The following NUDT3 variants were observed in gnomAD, a reference collection of about 807,000 sequenced individuals.
The protein encoded by NUDT3 is nudix hydrolase 3, also known as diphosphoinositol polyphosphate phosphohydrolase 1.
Under a neutral mutation model 23.6 loss-of-function variants are expected in NUDT3, and 9 were observed. The ratio of observed to expected loss-of-function variants is 0.38; its 90% CI spans 0.23 to 0.66. The LOEUF is 0.66. Among genes scored for constraint, NUDT3 ranks in the 30% least tolerant of loss-of-function variants. NUDT3 has a pLI of 0.52. For missense variants in NUDT3, 172 were observed against 218.5 expected (o/e 0.79, Z 1.34); for synonymous variants, 86 against 82.6 (o/e 1.04, Z -0.22).
intron 1 of NUDT3, among the ~76,000 whole-genome samples, chr6:34,378,092 A>C (rs1764955204): frequency 6.6e-6 from 1 of 151,406 alleles, no homozygotes; most frequent in Non-Finnish European, 1.5e-5. Context: ...AGACTGCTTG[A>C]TCCCAGGAGT....
chr6:34,360,437 G>C (rs568444358), intron 1 of NUDT3, among the ~76,000 whole-genome samples: 80 of 152,164 alleles, frequency 5.3e-4, no homozygotes, highest in African/African-American at 1.9e-3. Context: ...AGCCAGGCAT[G>C]GTGGTGGGCA....
At chr6:34,366,426 G>C (rs1031926602) in intron 1 of NUDT3, among the ~76,000 whole-genome samples, 2 of 134,632 alleles carry the variant, frequency 1.5e-5, no homozygotes, top group African/African-American at 5.6e-5. Context: ...AACAGCAAGA[G>C]AGAGAAAGAG....
At chr6:34,343,087 C>T (rs1233790287) in intron 1 of NUDT3, among the ~76,000 whole-genome samples, 1 of 152,160 alleles carries the variant, frequency 6.6e-6, no homozygotes, top group East Asian at 1.9e-4. Context: ...TGAATCCATA[C>T]TCAGTCACTA....
rs1391740635 is a variant in NUDT3, at chr6:34,282,970, CTGAGT to C, written c.*5778_*5782del. 2 of 152,168 alleles carry C rather than the reference CTGAGT, an allele frequency of 1.3e-5. No homozygotes were observed. The highest frequency in any genetic ancestry group is 4.8e-5 in the African/African-American group (2 of 41,442). The allele number at this position is 152,168 out of a possible 1,614,324, so 9.4% of individuals were successfully genotyped here. On this transcript the variant is annotated 3_prime_UTR_variant, in exon 5 of 5. Transcript: ENST00000607016. ...GGCTAAAAGCACTTTCTTCAGCATTCTGAGTTAACACGGGTTCCCTATAAGCTCCC... is the reference window on the plus strand; with the variant it reads ...GGCTAAAAGCACTTTCTTCAGCATTCTAACACGGGTTCCCTATAAGCTCCC...
intron 2 of NUDT3, among the ~76,000 whole-genome samples, chr6:34,311,529 A>G (rs549218016): frequency 6.6e-6 from 1 of 152,338 alleles, no homozygotes; most frequent in East Asian, 1.9e-4. Context: ...GATTCAACAC[A>G]ATCCCAATTA....
rs1245533682 is a variant in NUDT3, at chr6:34,392,317, C to G, written c.46G>C (p.Gly16Arg). ...SNQTRTYDGD[G>R]YKKRAACLCF... is the part of the protein sequence containing the mutation. ...AGGCATGCGGCCCGCTTCTTGTAGC[C>G]GTCGCCGTCGTAGGTGCGGGTCTGG... Residue 16 changes from glycine (G) to arginine (R), a missense_variant, in exon 1 of 5, where the codon GGC becomes CGC. Gly to Arg is a moderately radical substitution (Grantham distance 125). Around this residue, in one of 3 missense-constraint regions of NUDT3, gnomAD observed 50 missense variants for 46.2 expected, o/e 1.08. Coordinates refer to ENST00000607016, the MANE Select transcript of NUDT3 (RefSeq NM_006703.4). 6.2e-7 allele frequency: 1 copy of G among 1,606,222 alleles called. No individual in the cohort carries two copies. The highest frequency in any genetic ancestry group is 8.5e-7 in the Non-Finnish European group (1 of 1,177,572).
At chr6:34,323,888 G>A (rs1266477451) in intron 2 of NUDT3, among the ~76,000 whole-genome samples, 1 of 152,088 alleles carries the variant, frequency 6.6e-6, no homozygotes, top group East Asian at 1.9e-4. Context: ...ATGGAATTAG[G>A]GTAATATATA....
rs1219017851 is a variant in NUDT3, at chr6:34,285,210, G to C, written c.*3543C>G. On this transcript the variant is annotated 3_prime_UTR_variant, in exon 5 of 5. Transcript: ENST00000607016. ...ACTGTTCCATCCTGTTATATTTGCT[G>C]TGAGGAAAATTAAGATTCCTGTTGT... 3 of 152,186 alleles carry C rather than the reference G, an allele frequency of 2.0e-5. No individual in the cohort carries two copies. Among genetic ancestry groups the C allele is most frequent in the Non-Finnish European group, 4.4e-5 (3 of 68,038 alleles). The allele number at this position is 152,186 out of a possible 1,614,324, so 9.4% of individuals were successfully genotyped here. A position where few individuals can be genotyped will look rare whatever the true frequency, so the allele number is the denominator to read the frequency against.
At chr6:34,325,035 A>G (rs1345339809) in intron 2 of NUDT3, among the ~76,000 whole-genome samples, 1 of 152,138 alleles carries the variant, frequency 6.6e-6, no homozygotes, top group Non-Finnish European at 1.5e-5. Flanking sequence ...CCGAACTGTA[A>G]CTGAGAAGGA....
At chr6:34,351,207 A>C (rs1182650666) in intron 1 of NUDT3, among the ~76,000 whole-genome samples, 1 of 125,746 alleles carries the variant, frequency 8.0e-6, no homozygotes, top group Non-Finnish European at 1.7e-5. Context: ...CTAAAAAAAA[A>C]AAAAAAAAAA....
At chr6:34,364,844 A>AC (rs1170003035) in intron 1 of NUDT3, among the ~76,000 whole-genome samples, 1 of 150,920 alleles carries the variant, frequency 6.6e-6, no homozygotes, top group Non-Finnish European at 1.5e-5. Flanking sequence ...CCACAGTGAA[A>AC]CCCCATCTCT....
intron 2 of NUDT3, among the ~76,000 whole-genome samples, chr6:34,324,900 C>A (rs1031871740): frequency 1.3e-5 from 2 of 152,114 alleles, no homozygotes; most frequent in African/African-American, 4.8e-5. Flanking sequence ...GGCTGTGGGG[C>A]CAGTGTTGAA....
chr6:34,343,673 TGAATTTGGCAAGATA>T (rs1176548274), intron 1 of NUDT3, among the ~76,000 whole-genome samples: 3 of 152,194 alleles, frequency 2.0e-5, no homozygotes, highest in Admixed American at 2.0e-4. Flanking sequence ...GTCATGATCT[TGAATTTGGCAAGATA>T]TGCCAAATTC....
chr6:34,371,450 G>A (rs1764827444), intron 1 of NUDT3, among the ~76,000 whole-genome samples: 2 of 151,724 alleles, frequency 1.3e-5, no homozygotes, highest in Non-Finnish European at 2.9e-5. Flanking sequence ...TGGCAACACA[G>A]CAAGACTCTG....
intron 2 of NUDT3, among the ~76,000 whole-genome samples, chr6:34,309,563 T>G (rs1763738312): frequency 2.0e-5 from 3 of 150,894 alleles, no homozygotes. Context: ...AGAAAGAAAA[T>G]CAATTGAGAG....
chr6:34,293,166 G>A (rs191912651), intron 4 of NUDT3, among the ~76,000 whole-genome samples: 2 of 152,220 alleles, frequency 1.3e-5, no homozygotes, highest in African/African-American at 4.8e-5. Context: ...AAGCACAAAT[G>A]ATCTTCCTGC....
chr6:34,363,327 A>G (rs543157494), intron 1 of NUDT3, among the ~76,000 whole-genome samples: 2 of 152,320 alleles, frequency 1.3e-5, no homozygotes, highest in South Asian at 4.1e-4. Context: ...GTTAACAAGT[A>G]CTGGCATTTA....
intron 2 of NUDT3, among the ~76,000 whole-genome samples, chr6:34,315,110 A>C (rs1412744401): frequency 6.6e-6 from 1 of 152,198 alleles, no homozygotes; most frequent in Non-Finnish European, 1.5e-5. Context: ...GGTATTACAT[A>C]AATCTTTTGC....
intron 2 of NUDT3, among the ~76,000 whole-genome samples, chr6:34,309,625 C>T (rs1763739343): frequency 6.6e-6 from 1 of 151,110 alleles, no homozygotes; most frequent in Non-Finnish European, 1.5e-5. Context: ...AATTAAAAAG[C>T]CTAAAAGTAT....
Sources: gnomAD v4.1 joint callset for allele counts (sites outside exome capture counted in the v4.1 genomes callset) on GRCh38, gnomAD v4.1.1 for gene constraint, gnomAD v4.1.1 regional missense constraint, MANE v1.5 for transcripts, NCBI Gene and HGNC (gene_info 2026-07-23, HGNC 2026-07-21) for gene names.